ABLIM3: variants seen among roughly 807,000 people sequenced by gnomAD.
The protein encoded by ABLIM3 is actin-binding LIM protein 3.
In ABLIM3, 61 loss-of-function variants were observed where a neutral mutation model predicts 109.5. The ratio of observed to expected loss-of-function variants is 0.56; its 90% confidence interval spans 0.45 to 0.69. The LOEUF is 0.69. Ranked by LOEUF, ABLIM3 falls within the 30% of genes least tolerant of loss-of-function variation. ABLIM3 has a pLI of 0.00. For synonymous variants in ABLIM3, 300 were observed against 324.8 expected (o/e 0.92, Z 0.82); for missense variants, 796 against 889.5 (o/e 0.89, Z 1.34).
chr5:149,230,811 C>A (rs1321063227), intron 9 of ABLIM3, 104 bp downstream of exon 9: 13 of 1,304,562 alleles, frequency 1.0e-5, no homozygotes, highest in Non-Finnish European at 1.3e-5. Flanking sequence ...CCTTAGTGTG[C>A]ACACTCCCAA....
intron 2 of ABLIM3, among the ~76,000 whole-genome samples, chr5:149,173,389 C>T (rs1755621431): frequency 6.6e-6 from 1 of 152,168 alleles, no homozygotes; most frequent in Non-Finnish European, 1.5e-5. Context: ...CATTGTCTAG[C>T]CTTCATTTTG....
intron 3 of ABLIM3, among the ~76,000 whole-genome samples, chr5:149,185,820 A>T (rs1756902417): frequency 6.6e-6 from 1 of 152,208 alleles, no homozygotes; most frequent in Non-Finnish European, 1.5e-5. Context: ...TGCTGACATG[A>T]AAGGAAGGAA....
intron 3 of ABLIM3, among the ~76,000 whole-genome samples, chr5:149,194,001 T>G (rs993414905): frequency 1.3e-5 from 2 of 152,206 alleles, no homozygotes; most frequent in African/African-American, 4.8e-5. Context: ...GAGATACCTT[T>G]TTAGGATTTC....
intron 2 of ABLIM3, among the ~76,000 whole-genome samples, chr5:149,150,388 G>A (rs1753319339): frequency 6.6e-6 from 1 of 152,166 alleles, no homozygotes; most frequent in Non-Finnish European, 1.5e-5. Context: ...CAAGGATAGA[G>A]ATTGTTTTAA....
At chr5:149,206,469 A>G (rs949727442) in intron 5 of ABLIM3, among the ~76,000 whole-genome samples, 2 of 152,242 alleles carry the variant, frequency 1.3e-5, no homozygotes, top group African/African-American at 4.8e-5. Context: ...TGCTAGGCAA[A>G]GGAATAGGTT....
intron 14 of ABLIM3, among the ~76,000 whole-genome samples, chr5:149,241,151 T>C (rs1265728960): frequency 6.6e-6 from 1 of 152,242 alleles, no homozygotes; most frequent in Non-Finnish European, 1.5e-5. Context: ...TATAAGCTCA[T>C]GACTGTGAGC....
At chr5:149,185,165 T>A (rs1372102937) in intron 3 of ABLIM3, among the ~76,000 whole-genome samples, 5 of 152,336 alleles carry the variant, frequency 3.3e-5, no homozygotes, top group African/African-American at 4.8e-5. Flanking sequence ...AATCGTTTAT[T>A]TAGTTCATGA....
chr5:149,182,131 G>A (rs1329934063), intron 2 of ABLIM3, among the ~76,000 whole-genome samples: 1 of 152,188 alleles, frequency 6.6e-6, no homozygotes, highest in African/African-American at 2.4e-5. Context: ...CTACCACACA[G>A]GGTCAAGAAT....
rs201050224 is a variant in ABLIM3 at position 149,183,547 on chromosome 5, G to A, written c.109G>A (p.Val37Met). ...CACCTGCAAAGGGGAAGTGGTCCGC[G>A]TGCACAACAACCACTTCCACATCAG... The part of the protein sequence containing the change: ...GDTCKGEVVR[V>M]HNNHFHIRCF... The change falls in exon 3 of 24, where the codon GTG becomes ATG. Residue 37 changes from valine (V) to methionine (M), a missense_variant. Physicochemically the swap from Val to Met is conservative, Grantham distance 21. Transcript: ENST00000309868. 3.1e-6 allele frequency: 5 copies of A among 1,592,312 alleles called. No homozygotes were observed. The highest frequency in any genetic ancestry group is 4.3e-6 in the Non-Finnish European group (5 of 1,170,106).
chr5:149,255,728 G>A (rs1197864113), intron 23 of ABLIM3, among the ~76,000 whole-genome samples: 1 of 152,218 alleles, frequency 6.6e-6, no homozygotes, highest in East Asian at 1.9e-4. Context: ...CAGAAGGTTA[G>A]TGTGTCTAGG....
At chr5:149,235,349 G>A (rs1762246255) in intron 10 of ABLIM3, among the ~76,000 whole-genome samples, 1 of 152,220 alleles carries the variant, frequency 6.6e-6, no homozygotes, top group South Asian at 2.1e-4. Flanking sequence ...AGAATTATCA[G>A]TGAACCTGAA....
At chr5:149,229,858 TG>T (rs1761672426) in intron 8 of ABLIM3, among the ~76,000 whole-genome samples, 1 of 152,216 alleles carries the variant, frequency 6.6e-6, no homozygotes, top group Non-Finnish European at 1.5e-5. Context: ...CTTTCGGGTT[TG>T]GGGCTGGCCA....
At chr5:149,252,398 T>C in intron 22 of ABLIM3, 190 bp downstream of exon 22, 2 of 597,362 alleles carry the variant, frequency 3.3e-6, no homozygotes, top group Non-Finnish European at 5.8e-6. Context: ...CCTAGGTCTC[T>C]TGCCTACTGA....
chr5:149,238,141 T>G (rs781131114), intron 11 of ABLIM3, among the ~76,000 whole-genome samples: 1 of 152,112 alleles, frequency 6.6e-6, no homozygotes, highest in Non-Finnish European at 1.5e-5. Flanking sequence ...TTATAAAGAC[T>G]CAGTAACAGA....
intron 2 of ABLIM3, among the ~76,000 whole-genome samples, chr5:149,143,967 C>T (rs908980756): frequency 1.3e-5 from 2 of 152,130 alleles, no homozygotes; most frequent in Non-Finnish European, 2.9e-5. Context: ...AAGAAACAGG[C>T]AACTGACTCT....
At chr5:149,254,116 C>T (rs1051086939) in intron 23 of ABLIM3, among the ~76,000 whole-genome samples, 1 of 152,160 alleles carries the variant, frequency 6.6e-6, no homozygotes, top group Admixed American at 6.5e-5. Flanking sequence ...CTCCACCTGG[C>T]CCCATCCTTG....
chr5:149,183,102 G>A lies in ABLIM3; in HGVS notation c.14-350G>A, dbSNP rs979541199. On this transcript the variant is annotated intron_variant, in intron 2 of 23. Coordinates refer to ENST00000309868, the MANE Select transcript of ABLIM3 (RefSeq NM_014945.5). ...CCAAATTCCCTTGGACAAGTTTGGG[G>A]CCTAATTTTAATTTAAAGCTTACTC... Among the ~76,000 whole-genome samples, 4 of 152,274 alleles carry A rather than the reference G, an allele frequency of 2.6e-5. No individual in the cohort carries two copies. In the South Asian group the frequency reaches 6.2e-4, roughly 24 times the overall value.
intron 2 of ABLIM3, among the ~76,000 whole-genome samples, chr5:149,171,380 T>C (rs998723392): frequency 3.3e-5 from 5 of 152,230 alleles, no homozygotes; most frequent in Admixed American, 2.6e-4. Context: ...TTTATGTATA[T>C]TGCATCTTAT....
Position 149,239,901 on chromosome 5 carries a change from G to T in ABLIM3, c.1204+13G>T. On this transcript the variant is annotated intron_variant, in intron 13 of 23. Coordinates refer to ENST00000309868, the MANE Select transcript of ABLIM3 (RefSeq NM_014945.5). ...TACTACCGCTCTGGTAAGGAAGGGGGAGGACCTGAAGGGAGAGGAAGAGCC... is the reference window on the plus strand; with the variant it reads ...TACTACCGCTCTGGTAAGGAAGGGGTAGGACCTGAAGGGAGAGGAAGAGCC... 6.3e-7 allele frequency: 1 copy of T among 1,597,124 alleles called. No homozygotes were observed. The highest frequency in any genetic ancestry group is 8.5e-7 in the Non-Finnish European group (1 of 1,171,670).
Sources: gnomAD v4.1 joint callset for allele counts (sites outside exome capture counted in the v4.1 genomes callset) on GRCh38, gnomAD v4.1.1 for gene constraint, MANE v1.5 for transcripts, NCBI Gene and HGNC (gene_info 2026-07-23, HGNC 2026-07-21) for gene names.